Variants in MGAT5 observed in about 807,000 individuals in gnomAD.
MGAT5 encodes alpha-1,6-mannosylglycoprotein 6-beta-N-acetylglucosaminyltransferase.
In MGAT5, 30 loss-of-function variants were observed where a neutral mutation model predicts 94.3. That is an observed-to-expected ratio of 0.32 (90% CI 0.24 to 0.43). The LOEUF (loss-of-function observed/expected upper bound fraction) is 0.43. MGAT5 is among the 20% of genes least tolerant of loss of function. MGAT5 has a pLI of 1.00. For synonymous variants in MGAT5, 310 were observed against 322.9 expected, an observed-to-expected ratio of 0.96 and a Z score of 0.43; for missense variants, 691 against 905.5, an observed-to-expected ratio of 0.76 and a Z score of 3.04.
At chr2:134,226,487 A>G (rs573839175) in intron 1 of MGAT5, among the ~76,000 whole-genome samples, 8 of 152,150 alleles carry the variant, frequency 5.3e-5, no homozygotes, top group Admixed American at 5.2e-4. Context: ...CTATGTTTCT[A>G]CTTGCTTTTA....
At chr2:134,193,121 T>A (rs921021415) in intron 1 of MGAT5, among the ~76,000 whole-genome samples, 7 of 138,834 alleles carry the variant, frequency 5.0e-5, no homozygotes, top group Admixed American at 3.0e-4. Flanking sequence ...TATTTTTATT[T>A]TTTATTTTTT....
intron 1 of MGAT5, among the ~76,000 whole-genome samples, chr2:134,238,962 C>CA (rs1180534504): frequency 2.0e-5 from 3 of 152,008 alleles, no homozygotes; most frequent in South Asian, 2.1e-4. Flanking sequence ...CAAACAACAA[C>CA]AAAAAAAGAA....
At chr2:134,312,181 C>G (rs1222908110) in intron 2 of MGAT5, among the ~76,000 whole-genome samples, 1 of 152,168 alleles carries the variant, frequency 6.6e-6, no homozygotes, top group East Asian at 1.9e-4. Context: ...ACCTGGGAGG[C>G]TGAGGTTGTG....
chr2:134,185,807 G>C (rs1171015759), intron 1 of MGAT5, among the ~76,000 whole-genome samples: 1 of 152,236 alleles, frequency 6.6e-6, no homozygotes, highest in East Asian at 1.9e-4. Context: ...TCCAGACCTT[G>C]TAGGGAAGAG....
At chr2:134,322,346 A>G (rs1395384402) in intron 4 of MGAT5, among the ~76,000 whole-genome samples, 1 of 152,210 alleles carries the variant, frequency 6.6e-6, no homozygotes, top group Non-Finnish European at 1.5e-5. Flanking sequence ...ATAGAAATTC[A>G]GCTGTTTCCC....
chr2:134,338,786 C>T (rs1281079096), intron 6 of MGAT5, among the ~76,000 whole-genome samples: 1 of 151,984 alleles, frequency 6.6e-6, no homozygotes, highest in African/African-American at 2.4e-5. Flanking sequence ...GTTTTTCATC[C>T]CTGGCTTTTG....
At chr2:134,415,856 T>C (rs1215790047) in intron 12 of MGAT5, among the ~76,000 whole-genome samples, 3 of 152,224 alleles carry the variant, frequency 2.0e-5, no homozygotes, top group African/African-American at 7.2e-5. Flanking sequence ...TTTCCAAATA[T>C]TATTTATTGA....
At chr2:134,403,172 T>G in intron 11 of MGAT5, 35 bp downstream of exon 11, 1 of 1,571,218 alleles carries the variant, frequency 6.4e-7, no homozygotes, top group Non-Finnish European at 8.6e-7. Context: ...GTTCAGGTTA[T>G]TGCCATTGGC....
intron 1 of MGAT5, among the ~76,000 whole-genome samples, chr2:134,161,398 T>C (rs1389493832): frequency 6.6e-6 from 1 of 152,190 alleles, no homozygotes; most frequent in East Asian, 1.9e-4. Flanking sequence ...AAGACATATT[T>C]CTGGTGGGAG....
At chr2:134,409,818 T>C (rs1023333726) in intron 11 of MGAT5, among the ~76,000 whole-genome samples, 38 of 152,218 alleles carry the variant, frequency 2.5e-4, no homozygotes, top group Admixed American at 4.6e-4. Flanking sequence ...CCTTTGTGAA[T>C]GTGTAGGAAC....
chr2:134,186,420 C>T (rs747202365), intron 1 of MGAT5, among the ~76,000 whole-genome samples: 3 of 142,366 alleles, frequency 2.1e-5, no homozygotes, highest in Non-Finnish European at 3.1e-5. Flanking sequence ...CACCCATTTA[C>T]TGGCAAAGAG....
intron 1 of MGAT5, among the ~76,000 whole-genome samples, chr2:134,198,177 G>C (rs1424172329): frequency 6.6e-6 from 1 of 152,156 alleles, no homozygotes; most frequent in Non-Finnish European, 1.5e-5. Flanking sequence ...TCTTCATATT[G>C]AAAAATGAAA....
chr2:134,427,067 C>T (rs1242176573), intron 13 of MGAT5, among the ~76,000 whole-genome samples: 2 of 152,102 alleles, frequency 1.3e-5, no homozygotes, highest in South Asian at 2.1e-4. Context: ...ATTTGGCATA[C>T]GAGAAAGGGG....
At chr2:134,395,322 C>A (rs753909191) in intron 10 of MGAT5, among the ~76,000 whole-genome samples, 13 of 152,126 alleles carry the variant, frequency 8.5e-5, no homozygotes, top group Non-Finnish European at 1.6e-4. Context: ...AAGAGCCATT[C>A]GTTAAATGGC....
chr2:134,193,128 T>A (rs373442803), intron 1 of MGAT5, among the ~76,000 whole-genome samples: 2 of 147,474 alleles, frequency 1.4e-5, no homozygotes, highest in African/African-American at 2.5e-5. Flanking sequence ...ATTTTTTATT[T>A]TTTTTTTTTT....
chr2:134,259,101 G>A (rs576043985), intron 1 of MGAT5, among the ~76,000 whole-genome samples: 15 of 152,352 alleles, frequency 9.8e-5, no homozygotes, highest in African/African-American at 3.1e-4. Context: ...CGGGCAGCCC[G>A]TGTGGAACAT....
chr2:134,285,063 T>C (rs1172457948), intron 2 of MGAT5, among the ~76,000 whole-genome samples: 1 of 152,230 alleles, frequency 6.6e-6, no homozygotes, highest in Non-Finnish European at 1.5e-5. Context: ...TTTACCGTTA[T>C]ATATTTTAAA....
Position 134,336,839 on chromosome 2 carries a change from C to A in MGAT5, c.645+551C>A, listed in dbSNP as rs1362082366. On this transcript the variant is annotated intron_variant, in intron 5 of 15. Transcript: ENST00000281923. ...GCCATAGGTGACTGGATGAGCTAGGCTGAAGGTGAAATTGGGAAGGTAGGA... is the reference window on the plus strand; with the variant it reads ...GCCATAGGTGACTGGATGAGCTAGGATGAAGGTGAAATTGGGAAGGTAGGA... Among the ~76,000 whole-genome samples, 5 of 152,090 alleles carry A rather than the reference C, an allele frequency of 3.3e-5. No homozygotes were observed. The South Asian group carries it at 1.0e-3, about 32-fold the overall frequency.
intron 14 of MGAT5, among the ~76,000 whole-genome samples, chr2:134,440,270 C>T (rs895872187): frequency 4.6e-5 from 7 of 152,158 alleles, no homozygotes; most frequent in East Asian, 3.8e-4. Context: ...CTTGAATATA[C>T]GAAATGTTGT....
Sources: allele counts gnomAD v4.1 joint callset (sites outside exome capture counted in the v4.1 genomes callset), GRCh38; gene constraint gnomAD v4.1.1; transcripts MANE v1.5; gene names NCBI Gene and HGNC (gene_info 2026-07-23, HGNC 2026-07-21).